Variants in DNAJC1 observed in about 807,000 individuals in gnomAD.
DNAJC1 encodes the protein dnaJ homolog subfamily C member 1.
DNAJC1 carries 58 observed loss-of-function variants against 76.6 expected under a neutral mutation model. The observed-to-expected ratio is 0.76, with a 90% confidence interval of 0.61 to 0.94. The LOEUF (loss-of-function observed/expected upper bound fraction) is 0.94. Ranked by LOEUF, DNAJC1 falls within the 40% of genes least tolerant of loss-of-function variation. The probability of loss-of-function intolerance (pLI) is 0.00; values close to 1 mark genes in which losing one functional copy is unlikely to be tolerated. For synonymous variants in DNAJC1, 258 were observed against 267.9 expected (o/e 0.96, Z 0.36); for missense variants, 689 against 677.3 (o/e 1.02, Z -0.19).
chr10:21,794,283 AAAGAG>A (rs1265116637), intron 9 of DNAJC1, among the ~76,000 whole-genome samples: 41 of 151,682 alleles, frequency 2.7e-4, no homozygotes, highest in African/African-American at 9.4e-4. Context: ...AAAAAAAAAA[AAAGAG>A]AGAGAGAGAG....
chr10:21,914,552 G>C (rs1303650267), intron 6 of DNAJC1, among the ~76,000 whole-genome samples: 1 of 151,932 alleles, frequency 6.6e-6, no homozygotes, highest in Non-Finnish European at 1.5e-5. Flanking sequence ...ACTTTATTCT[G>C]TCTAAATATT....
At chr10:21,941,677 A>T (rs975908880) in intron 1 of DNAJC1, among the ~76,000 whole-genome samples, 1 of 152,202 alleles carries the variant, frequency 6.6e-6, no homozygotes, top group Non-Finnish European at 1.5e-5. Context: ...TAAATAGTGA[A>T]CAATAAATAC....
At chr10:21,838,113 T>A (rs1413132354) in intron 8 of DNAJC1, among the ~76,000 whole-genome samples, 1 of 151,994 alleles carries the variant, frequency 6.6e-6, no homozygotes, top group Non-Finnish European at 1.5e-5. Flanking sequence ...CGCCACCCCG[T>A]CTGGGAGGTG....
In DNAJC1 at chr10:21,828,053, C is replaced by T. The variant is rs755668010; in HGVS notation, c.979-21954G>A. On this transcript the variant is annotated intron_variant, in intron 8 of 11. Transcript: ENST00000376980. ...GAATTTTATTAATTTACTTCCCCAT[C>T]AGCGTCAATGAGAGAACCTCTTTTT... is the stretch of plus-strand genomic sequence containing the variant. Among the ~76,000 whole-genome samples, 18 of 152,206 alleles carry T rather than the reference C, an allele frequency of 1.2e-4. 1 individual carries two copies. The highest frequency in any genetic ancestry group is 3.9e-4 in the Admixed American group (6 of 15,280).
chr10:21,831,789 C>CAAAAAA (rs141184526), intron 8 of DNAJC1, among the ~76,000 whole-genome samples: 3 of 111,360 alleles, frequency 2.7e-5, no homozygotes, highest in East Asian at 2.5e-4. Flanking sequence ...GACTCCATCT[C>CAAAAAA]AAAAAAAAAA....
At chr10:21,983,869 T>C (rs1458213745) in intron 1 of DNAJC1, among the ~76,000 whole-genome samples, 1 of 152,196 alleles carries the variant, frequency 6.6e-6, no homozygotes, top group African/African-American at 2.4e-5. Context: ...TTGCACAATG[T>C]TGTGAATGTA....
intron 8 of DNAJC1, among the ~76,000 whole-genome samples, chr10:21,826,520 TTATC>T (rs751865028): frequency 2.0e-4 from 30 of 152,288 alleles, no homozygotes; most frequent in African/African-American, 5.1e-4. Flanking sequence ...GAAATCTAAG[TTATC>T]TATCTTTCTT....
chr10:21,987,397 A>C (rs1469174440), intron 1 of DNAJC1, among the ~76,000 whole-genome samples: 4 of 152,182 alleles, frequency 2.6e-5, no homozygotes, highest in African/African-American at 9.7e-5. Flanking sequence ...CAATATTTGA[A>C]TTAAAGAGAG....
In DNAJC1 at chr10:21,858,103, T is replaced by G. The variant is rs75510704; in HGVS notation, c.978+24179A>C. ...AATTCAGAGATATATAACCTAGGTT[T>G]TAAAGGGAACACAAAAACAATTTTG... On this transcript the variant is annotated intron_variant, in intron 8 of 11. Transcript: ENST00000376980. Among the ~76,000 whole-genome samples, 32 of 152,282 alleles carry G rather than the reference T, an allele frequency of 2.1e-4. 1 individual carries two copies. The East Asian group carries it at 2.5e-3, about 12-fold the overall frequency.
intron 8 of DNAJC1, among the ~76,000 whole-genome samples, chr10:21,863,064 G>A (rs1425067778): frequency 7.9e-5 from 12 of 151,980 alleles, no homozygotes; most frequent in African/African-American, 2.4e-4. Flanking sequence ...CCCGGGAGGC[G>A]GAGGTTGCAG....
intron 6 of DNAJC1, among the ~76,000 whole-genome samples, chr10:21,917,274 T>C (rs1487066231): frequency 6.6e-6 from 1 of 152,086 alleles, no homozygotes; most frequent in African/African-American, 2.4e-5. Flanking sequence ...AAGTAAATTA[T>C]AAATCTAAGC....
chr10:21,913,020 CT>C (rs1212677119), intron 6 of DNAJC1, among the ~76,000 whole-genome samples: 1 of 149,026 alleles, frequency 6.7e-6, no homozygotes, highest in African/African-American at 2.5e-5. Flanking sequence ...AAAGCCAGAG[CT>C]GTACAGAGAA....
At chr10:21,963,894 G>A (rs1461308772) in intron 1 of DNAJC1, among the ~76,000 whole-genome samples, 2 of 150,782 alleles carry the variant, frequency 1.3e-5, no homozygotes, top group Non-Finnish European at 3.0e-5. Flanking sequence ...TTTATTTACT[G>A]CCTTTATTTA....
At chr10:21,795,002 A>C (rs1255885225) in intron 9 of DNAJC1, among the ~76,000 whole-genome samples, 1 of 151,938 alleles carries the variant, frequency 6.6e-6, no homozygotes, top group African/African-American at 2.4e-5. Flanking sequence ...ATTTCCTTTG[A>C]GTGTCATCTT....
At position 21,928,570 on chromosome 10, in the gene DNAJC1, C is replaced by T. The variant is rs1292249164; in HGVS notation, c.325-18G>A. 6.9e-6 allele frequency: 11 copies of T among 1,600,862 alleles called. No homozygotes were observed. Among genetic ancestry groups the T allele is most frequent in the South Asian group, 1.1e-5 (1 of 90,810 alleles). On this transcript the variant is annotated intron_variant, in intron 2 of 11. Coordinates refer to ENST00000376980, the MANE Select transcript of DNAJC1 (RefSeq NM_022365.4). ...GCCACCAACTAAAATAAAAGCATTA[C>T]TTTAAAATAAAAATACTCTCAACTA...
At chr10:21,991,730 T>C (rs1838329064) in intron 1 of DNAJC1, among the ~76,000 whole-genome samples, 1 of 152,220 alleles carries the variant, frequency 6.6e-6, no homozygotes, top group Non-Finnish European at 1.5e-5. Flanking sequence ...GCATTAGGCA[T>C]ATTTAAGCAC....
At chr10:21,771,443 T>C (rs1296323918) in intron 9 of DNAJC1, among the ~76,000 whole-genome samples, 2 of 152,222 alleles carry the variant, frequency 1.3e-5, no homozygotes, top group East Asian at 1.9e-4. Context: ...GAGATACTTC[T>C]TTTTTATTCC....
At chr10:21,996,572 G>T (rs1299045590) in intron 1 of DNAJC1, among the ~76,000 whole-genome samples, 7 of 152,162 alleles carry the variant, frequency 4.6e-5, no homozygotes, top group African/African-American at 1.7e-4. Context: ...TGTAATAGCA[G>T]AAGCCATTCC....
chr10:21,897,667 G>T (rs1364215718), intron 7 of DNAJC1, among the ~76,000 whole-genome samples: 1 of 152,180 alleles, frequency 6.6e-6, no homozygotes, highest in East Asian at 1.9e-4. Context: ...CTGCCACCAG[G>T]TGCATGGAAA....
Sources: gnomAD v4.1 joint callset for allele counts (sites outside exome capture counted in the v4.1 genomes callset) on GRCh38, gnomAD v4.1.1 for gene constraint, MANE v1.5 for transcripts, NCBI Gene and HGNC (gene_info 2026-07-23, HGNC 2026-07-21) for gene names.